The following SOX6 variants were observed in gnomAD, a reference collection of about 807,000 sequenced individuals.
SOX6 encodes the protein transcription factor SOX-6.
A neutral mutation model predicts 97.8 loss-of-function variants in SOX6; 11 were observed. That is an observed-to-expected ratio of 0.11 (90% confidence interval 0.07 to 0.19). The LOEUF (loss-of-function observed/expected upper bound fraction) is 0.19. Among genes scored for constraint, SOX6 ranks in the 10% least tolerant of loss-of-function variants. The pLI is 1.00. For missense variants in SOX6, 810 were observed against 1,039.5 expected, an observed-to-expected ratio of 0.78 and a Z score of 3.04; for synonymous variants, 360 against 371.4, an observed-to-expected ratio of 0.97 and a Z score of 0.35.
intron 15 of SOX6, among the ~76,000 whole-genome samples, chr11:15,978,406 C>A (rs539384231): frequency 2.0e-5 from 3 of 152,056 alleles, no homozygotes; most frequent in Admixed American, 1.3e-4. Context: ...TTACCCAGAT[C>A]TATAACACGG....
intron 1 of SOX6, among the ~76,000 whole-genome samples, chr11:16,466,774 C>CA (rs537389045): frequency 1.3e-5 from 2 of 150,088 alleles, no homozygotes; most frequent in South Asian, 2.1e-4. Context: ...ACTAAAAATA[C>CA]AAAAAAATTA....
chr11:16,384,619 G>A (rs1857922413), intron 1 of SOX6, among the ~76,000 whole-genome samples: 1 of 151,610 alleles, frequency 6.6e-6, no homozygotes, highest in African/African-American at 2.4e-5. Flanking sequence ...AACAACTCTA[G>A]GAAAACATAG....
intron 2 of SOX6, among the ~76,000 whole-genome samples, chr11:16,323,001 G>C (rs912534813): frequency 3.3e-5 from 5 of 152,102 alleles, no homozygotes; most frequent in African/African-American, 1.2e-4. Context: ...TGTGGGCACT[G>C]AGTTAGTAAA....
At chr11:16,348,166 AT>A (rs1856819826) in intron 1 of SOX6, among the ~76,000 whole-genome samples, 1 of 152,148 alleles carries the variant, frequency 6.6e-6, no homozygotes, top group Non-Finnish European at 1.5e-5. Context: ...CCTGAAAATC[AT>A]TTCCAGCAGG....
intron 13 of SOX6, among the ~76,000 whole-genome samples, chr11:15,997,169 A>G (rs1854249761): frequency 6.6e-6 from 1 of 152,196 alleles, no homozygotes; most frequent in Non-Finnish European, 1.5e-5. Flanking sequence ...ACAAACTACC[A>G]AAATTCACTC....
chr11:16,021,053 C>T (rs1241400852), intron 12 of SOX6, among the ~76,000 whole-genome samples: 1 of 151,770 alleles, frequency 6.6e-6, no homozygotes, highest in East Asian at 1.9e-4. Context: ...TAGAAGAGCA[C>T]AATAGAAAAA....
chr11:16,435,267 G>T (rs1296168561), intron 1 of SOX6, among the ~76,000 whole-genome samples: 1 of 152,118 alleles, frequency 6.6e-6, no homozygotes, highest in Non-Finnish European at 1.5e-5. Context: ...GAAGAGGCTT[G>T]TGATTTTAAA....
At chr11:16,366,074 T>C (rs1857351947) in intron 1 of SOX6, among the ~76,000 whole-genome samples, 1 of 152,088 alleles carries the variant, frequency 6.6e-6, no homozygotes, top group Admixed American at 6.6e-5. Context: ...ACTTTATTAA[T>C]AAAGCCAAGC....
intron 4 of SOX6, among the ~76,000 whole-genome samples, chr11:16,497,385 C>T (rs928421479): frequency 2.0e-5 from 3 of 151,996 alleles, no homozygotes; most frequent in Non-Finnish European, 4.4e-5. Flanking sequence ...AGCAGAAAAA[C>T]TGGAATCTCT....
rs532759689 is a variant in SOX6, at chr11:16,299,879, A to G, written c.445+18567T>C. Among the ~76,000 whole-genome samples, 8 of 152,278 alleles carry G rather than the reference A, an allele frequency of 5.3e-5. No homozygotes were observed. The East Asian group carries it at 1.2e-3, about 22-fold the overall frequency. On this transcript the variant is annotated intron_variant, in intron 3 of 15. Coordinates refer to ENST00000683767, the MANE Select transcript of SOX6 (RefSeq NM_001367873.1). Reference sequence around the variant, plus strand: ...CTTTCTTTTAAAAAAATCCAAAATAATTAATTATTTTAGCCACTATATTAT... The same window carrying G: ...CTTTCTTTTAAAAAAATCCAAAATAGTTAATTATTTTAGCCACTATATTAT...
chr11:16,180,781 A>G (rs1021933283), intron 6 of SOX6, among the ~76,000 whole-genome samples: 1 of 151,818 alleles, frequency 6.6e-6, no homozygotes, highest in African/African-American at 2.4e-5. Context: ...TTAAAAGTTT[A>G]GTTAGAATTT....
intron 4 of SOX6, among the ~76,000 whole-genome samples, chr11:16,490,952 T>TCAA (rs983916117): frequency 1.1e-3 from 164 of 152,254 alleles, no homozygotes; most frequent in African/African-American, 3.7e-3. Context: ...TAATAAAATG[T>TCAA]CAACAGCATT....
At chr11:16,288,943 G>T (rs189145059) in intron 3 of SOX6, among the ~76,000 whole-genome samples, 4 of 151,798 alleles carry the variant, frequency 2.6e-5, no homozygotes, top group African/African-American at 9.7e-5. Context: ...GCTAATTTCT[G>T]ACCTTTGTTT....
intron 12 of SOX6, among the ~76,000 whole-genome samples, chr11:16,025,445 C>T (rs766489471): frequency 9.9e-5 from 15 of 152,164 alleles, no homozygotes; most frequent in African/African-American, 3.6e-4. Context: ...GTTATTCTAA[C>T]ATGTACCATA....
At chr11:16,708,763 G>A (rs1391698068) in intron 3 of SOX6, among the ~76,000 whole-genome samples, 1 of 152,134 alleles carries the variant, frequency 6.6e-6, no homozygotes, top group Non-Finnish European at 1.5e-5. Context: ...ATACCGGATA[G>A]CAACTTATTA....
chr11:16,438,538 T>C (rs1590203795), intron 1 of SOX6, among the ~76,000 whole-genome samples: 3 of 152,292 alleles, frequency 2.0e-5, no homozygotes, highest in East Asian at 3.9e-4. Context: ...GAACTTTCTA[T>C]GAATTCTTTA....
At chr11:16,185,414 A>G (rs1227482704) in intron 5 of SOX6, among the ~76,000 whole-genome samples, 2 of 152,178 alleles carry the variant, frequency 1.3e-5, no homozygotes, top group African/African-American at 4.8e-5. Context: ...TCTAATATTG[A>G]TGGTCCCTCC....
rs192397903 is a variant in SOX6 at position 16,055,605 on chromosome 11, T to C, written c.1251+147A>G. ...AAACACCTGTTTCTCAATGCTCAAT[T>C]ATGAAATTTACCATAAAGAGGGACA... is the stretch of plus-strand genomic sequence containing the variant. On this transcript the variant is annotated intron_variant, in intron 10 of 15. Transcript: ENST00000683767. The C allele has an allele frequency of 3.3e-4, 298 of 901,542 alleles. 3 individuals are homozygous for C. The highest frequency in any genetic ancestry group is 1.3e-3 in the Middle Eastern group (6 of 4,534). 55.8% of individuals were successfully genotyped at this position (901,542 alleles called of 1,614,324 possible).
rs991458961 is a variant in SOX6, at chr11:16,605,971, G to C, written n.609+6110C>G. 1 of 152,226 alleles carries C rather than the reference G, an allele frequency of 6.6e-6. No individual in the cohort carries two copies. Among genetic ancestry groups the C allele is most frequent in the Non-Finnish European group, 1.5e-5 (1 of 68,078 alleles). 9.4% of individuals were successfully genotyped at this position (152,226 alleles called of 1,614,324 possible). A position where few individuals can be genotyped will look rare whatever the true frequency, so the allele number is the denominator to read the frequency against. ...TCGCAAGGGAAGCCCGTTTTGTCCA[G>C]GTTGGATATTGTCTACGTATGGATC... is the stretch of plus-strand genomic sequence containing the variant. On this transcript the variant is annotated intron_variant and non_coding_transcript_variant, in intron 4 of 5. Transcript: ENST00000524520. This position sits in a 1 kb window ranked among gnomAD's most constrained non-coding sequence, Gnocchi z 5.3.
Sources: gnomAD v4.1 joint callset for allele counts (sites outside exome capture counted in the v4.1 genomes callset) on GRCh38, gnomAD v4.1.1 for gene constraint, Gnocchi (gnomAD v3.1) non-coding constraint, MANE v1.5 for transcripts, NCBI Gene and HGNC (gene_info 2026-07-23, HGNC 2026-07-21) for gene names.